LINGO2: variants seen among roughly 807,000 people sequenced by gnomAD.
LINGO2 encodes the protein leucine rich repeat and Ig domain containing 2.
In LINGO2, 14 loss-of-function variants were observed where a neutral mutation model predicts 30.6. The ratio of observed to expected loss-of-function variants is 0.46; its 90% CI spans 0.30 to 0.72. The LOEUF (loss-of-function observed/expected upper bound fraction) is 0.72. Ranked by LOEUF, LINGO2 falls within the 30% of genes least tolerant of loss-of-function variation. The pLI is 0.07. For missense variants in LINGO2, 729 were observed against 751.7 expected (o/e 0.97, Z 0.35); for synonymous variants, 317 against 288.5 (o/e 1.10, Z -1.00).
intron 4 of LINGO2, among the ~76,000 whole-genome samples, chr9:28,028,757 T>C (rs1308240441): frequency 6.6e-6 from 1 of 152,162 alleles, no homozygotes; most frequent in Non-Finnish European, 1.5e-5. Context: ...TTTTTTTTCT[T>C]TTTGAATATT....
intron 5 of LINGO2, among the ~76,000 whole-genome samples, chr9:27,977,713 T>A (rs1273852673): frequency 1.3e-5 from 2 of 150,736 alleles, no homozygotes; most frequent in Non-Finnish European, 3.0e-5. Flanking sequence ...TCTCCCCCCA[T>A]CACATGGGAG....
At chr9:28,372,013 C>G (rs1820921489) in intron 3 of LINGO2, among the ~76,000 whole-genome samples, 3 of 152,144 alleles carry the variant, frequency 2.0e-5, no homozygotes, top group Middle Eastern at 3.4e-3. Context: ...AATTAGATGA[C>G]AGGACCTTGC....
chr9:28,888,139 G>C, the LINGO2 span, among the ~76,000 whole-genome samples: 1 of 152,022 alleles, frequency 6.6e-6, no homozygotes, highest in Non-Finnish European at 1.5e-5. Flanking sequence ...ATGACTATGA[G>C]TAGAGTCTCT....
At chr9:28,347,963 G>T (rs115174931) in intron 3 of LINGO2, among the ~76,000 whole-genome samples, 1 of 152,136 alleles carries the variant, frequency 6.6e-6, no homozygotes, top group South Asian at 2.1e-4. Flanking sequence ...CCATTAAAAA[G>T]ATTTGGATGT....
chr9:28,413,763 C>T (rs1431375539), intron 2 of LINGO2, among the ~76,000 whole-genome samples: 1 of 152,046 alleles, frequency 6.6e-6, no homozygotes, highest in Non-Finnish European at 1.5e-5. Context: ...TTCTGCTTCA[C>T]ATATACTTCA....
intron 4 of LINGO2, among the ~76,000 whole-genome samples, chr9:28,263,331 T>C (rs969326916): frequency 6.6e-6 from 1 of 151,880 alleles, no homozygotes; most frequent in African/African-American, 2.4e-5. Flanking sequence ...TTAAAGACCC[T>C]AATTACACCT....
At chr9:29,114,153 C>A in the LINGO2 span, among the ~76,000 whole-genome samples, 35,554 of 151,244 alleles carry the variant, frequency 0.24, 4,295 homozygotes, top group East Asian at 0.4. Flanking sequence ...GAATGACACC[C>A]ATTTTTCTTC....
chr9:29,045,017 T>A, the LINGO2 span, among the ~76,000 whole-genome samples: 2 of 152,142 alleles, frequency 1.3e-5, no homozygotes, highest in African/African-American at 4.8e-5. Flanking sequence ...CTTCTTCTTG[T>A]GATGATGTCA....
chr9:28,303,204 T>A (rs751192865), intron 3 of LINGO2, among the ~76,000 whole-genome samples: 3 of 152,180 alleles, frequency 2.0e-5, no homozygotes, highest in Non-Finnish European at 4.4e-5. Flanking sequence ...TATATGTGTG[T>A]GAATATGATT....
chr9:28,557,167 G>C (rs1822757803), intron 1 of LINGO2, among the ~76,000 whole-genome samples: 1 of 152,096 alleles, frequency 6.6e-6, no homozygotes, highest in South Asian at 2.1e-4. Context: ...AAACTGAAGA[G>C]CTTCTGCACA....
At chr9:28,131,860 A>G (rs995119475) in intron 4 of LINGO2, among the ~76,000 whole-genome samples, 1 of 152,204 alleles carries the variant, frequency 6.6e-6, no homozygotes, top group Admixed American at 6.5e-5. Context: ...AAGGCTCAAT[A>G]TAGAAGGAAA....
chr9:28,717,003 T>A, the LINGO2 span, among the ~76,000 whole-genome samples: 5 of 152,036 alleles, frequency 3.3e-5, no homozygotes, highest in Non-Finnish European at 7.4e-5. Flanking sequence ...TAGACAATAA[T>A]ATTGAAAATT....
chr9:28,145,771 T>C (rs1247782134), intron 4 of LINGO2, among the ~76,000 whole-genome samples: 1 of 152,140 alleles, frequency 6.6e-6, no homozygotes, highest in Admixed American at 6.5e-5. Context: ...TTATACAATT[T>C]TAAACATTAA....
At chr9:28,481,513 A>C (rs1039649924) in intron 1 of LINGO2, among the ~76,000 whole-genome samples, 24 of 151,968 alleles carry the variant, frequency 1.6e-4, no homozygotes, top group African/African-American at 5.8e-4. Context: ...CTTTATTTTC[A>C]AGTATTTGTC....
intron 5 of LINGO2, among the ~76,000 whole-genome samples, chr9:27,981,965 C>T (rs1820899934): frequency 6.6e-6 from 1 of 151,818 alleles, no homozygotes; most frequent in South Asian, 2.1e-4. Context: ...ATTCAAAAGC[C>T]ACACCGTCTG....
chr9:28,278,917 T>C (rs1353536170), intron 4 of LINGO2, among the ~76,000 whole-genome samples: 1 of 152,188 alleles, frequency 6.6e-6, no homozygotes, highest in Non-Finnish European at 1.5e-5. Context: ...TTCACCATTC[T>C]AGATGTCATA....
chr9:29,042,977 T>A, the LINGO2 span, among the ~76,000 whole-genome samples: 3 of 151,980 alleles, frequency 2.0e-5, no homozygotes, highest in African/African-American at 7.2e-5. Flanking sequence ...AAGGCCAACA[T>A]AAGGGATCCT....
the LINGO2 span, among the ~76,000 whole-genome samples, chr9:28,785,654 C>A: frequency 7.9e-6 from 1 of 126,210 alleles, no homozygotes; most frequent in East Asian, 2.5e-4. Flanking sequence ...CACCCAGGGC[C>A]CTTCTCTCTC....
chr9:28,682,676 T>A, the LINGO2 span, among the ~76,000 whole-genome samples: 1 of 152,254 alleles, frequency 6.6e-6, no homozygotes, highest in African/African-American at 2.4e-5. Flanking sequence ...TATGGCAATT[T>A]TGGTCATTCT....
Sources: gnomAD v4.1 joint callset for allele counts (sites outside exome capture counted in the v4.1 genomes callset) on GRCh38, gnomAD v4.1.1 for gene constraint, MANE v1.5 for transcripts, NCBI Gene and HGNC (gene_info 2026-07-23, HGNC 2026-07-21) for gene names.